The following PPP2R2B variants were observed in gnomAD, a reference collection of about 807,000 sequenced individuals.
PPP2R2B encodes the protein protein phosphatase 2 regulatory subunit Bbeta.
Under a neutral mutation model 46.0 loss-of-function variants are expected in PPP2R2B, and 5 were observed. The observed-to-expected ratio is 0.11, with a 90% CI of 0.06 to 0.23. PPP2R2B has a LOEUF of 0.23. PPP2R2B is among the 10% of genes least tolerant of loss of function. PPP2R2B has a pLI of 1.00. For synonymous variants in PPP2R2B, 215 were observed against 206.7 expected (o/e 1.04, Z -0.34); for missense variants, 367 against 575.0 (o/e 0.64, Z 3.70).
At chr5:146,881,206 C>A (rs908478608), upstream of PPP2R2B, among the ~76,000 whole-genome samples, 3 of 152,120 alleles carry the variant, frequency 2.0e-5, no homozygotes, top group Non-Finnish European at 2.9e-5. Flanking sequence ...TTCTTTGCCA[C>A]TTCCTCATGT....
intron 6 of PPP2R2B, among the ~76,000 whole-genome samples, chr5:146,639,062 T>A (rs1428536763): frequency 2.0e-5 from 3 of 152,156 alleles, no homozygotes; most frequent in Non-Finnish European, 4.4e-5. Context: ...TTTTCAGGGG[T>A]GGAAACGGAT....
chr5:146,918,986 G>C (rs1019224594), intron 1 of PPP2R2B, among the ~76,000 whole-genome samples: 2 of 152,182 alleles, frequency 1.3e-5, no homozygotes, highest in African/African-American at 2.4e-5. Context: ...CTAGCCTCTA[G>C]CTGAATGCCT....
intron 2 of PPP2R2B, among the ~76,000 whole-genome samples, chr5:146,858,892 A>G (rs1030370467): frequency 6.6e-5 from 10 of 152,200 alleles, no homozygotes; most frequent in Non-Finnish European, 1.2e-4. Flanking sequence ...GGAATGAGAC[A>G]CAACCCATGC....
At chr5:146,796,434 T>C (rs987431968) in intron 2 of PPP2R2B, among the ~76,000 whole-genome samples, 1 of 152,304 alleles carries the variant, frequency 6.6e-6, no homozygotes, top group Admixed American at 6.5e-5. Context: ...ATCTGACTGC[T>C]CTAGTAGCTA....
At chr5:146,719,907 T>C (rs780709003) in intron 2 of PPP2R2B, among the ~76,000 whole-genome samples, 10 of 152,116 alleles carry the variant, frequency 6.6e-5, no homozygotes, top group Admixed American at 4.6e-4. Flanking sequence ...CATATGGCCA[T>C]TCCTGACTTG....
At chr5:146,961,568 C>T (rs925496860) in intron 1 of PPP2R2B, among the ~76,000 whole-genome samples, 25 of 152,100 alleles carry the variant, frequency 1.6e-4, no homozygotes, top group African/African-American at 6.0e-4. Context: ...AACACCTTTC[C>T]ATATAACTAT....
chr5:146,590,392 T>G (rs1770503426), intron 9 of PPP2R2B, among the ~76,000 whole-genome samples, 166 bp from the exon 10 acceptor site: 1 of 148,684 alleles, frequency 6.7e-6, no homozygotes, highest in African/African-American at 2.6e-5. Context: ...TTTGTTTTTT[T>G]TTTGTGTTTT....
At position 146,600,496 on chromosome 5, in the gene PPP2R2B, A is replaced by G. The variant is rs757338439; in HGVS notation, c.791-36T>C. On this transcript the variant is annotated intron_variant, in intron 7 of 9. Coordinates refer to ENST00000394411, the MANE Select transcript of PPP2R2B (RefSeq NM_181675.4). ...AAAGCAAAACAAGACAAATTTAGCA[A>G]TCCTTATCAACTGACTCTAACATGT... is the stretch of plus-strand genomic sequence containing the variant. 13 of 1,604,142 alleles carry G rather than the reference A, an allele frequency of 8.1e-6. No homozygotes were observed. In the African/African-American group the frequency reaches 1.3e-4, roughly 17 times the overall value.
chr5:146,791,345 C>T (rs1024297272), intron 2 of PPP2R2B, among the ~76,000 whole-genome samples: 4 of 152,166 alleles, frequency 2.6e-5, no homozygotes, highest in African/African-American at 9.7e-5. Flanking sequence ...TCGATCCCCC[C>T]TTTTTCTATT....
chr5:146,936,498 A>G (rs1265235439), intron 1 of PPP2R2B, among the ~76,000 whole-genome samples: 1 of 147,116 alleles, frequency 6.8e-6, no homozygotes, highest in Admixed American at 6.9e-5. Flanking sequence ...CTAGACAGTT[A>G]TGAAGGATGG....
In PPP2R2B at chr5:147,050,588, G is replaced by C. The variant is rs193283356; in HGVS notation, c.79+5077C>G. On this transcript the variant is annotated intron_variant, in intron 1 of 8. Transcript: ENST00000336640. ...TGCATTTAACAGCTGTGTGAACTTA[G>C]ACTACTTAACTTGTCTGTGACTCGG... Among the ~76,000 whole-genome samples, 39 of 152,090 alleles carry C rather than the reference G, an allele frequency of 2.6e-4. No individual in the cohort carries two copies. The East Asian group carries it at 7.2e-3, about 28-fold the overall frequency.
intron 7 of PPP2R2B, among the ~76,000 whole-genome samples, chr5:146,603,611 T>G (rs1771987156): frequency 6.6e-6 from 1 of 152,214 alleles, no homozygotes; most frequent in Admixed American, 6.5e-5. Flanking sequence ...TCATGACATA[T>G]CTATGTATAT....
At chr5:146,711,876 AT>A (rs577550147) in intron 2 of PPP2R2B, among the ~76,000 whole-genome samples, 8 of 150,948 alleles carry the variant, frequency 5.3e-5, no homozygotes, top group South Asian at 2.1e-4. Flanking sequence ...AAGTCAAAGA[AT>A]TTTTTTTTTC....
chr5:146,997,445 A>G (rs1753974871), intron 1 of PPP2R2B, among the ~76,000 whole-genome samples: 1 of 152,192 alleles, frequency 6.6e-6, no homozygotes, highest in African/African-American at 2.4e-5. Context: ...CTGAGCAAGC[A>G]CAGCACCCAT....
At chr5:146,855,485 G>GTATACA (rs1174803078) in intron 2 of PPP2R2B, among the ~76,000 whole-genome samples, 7 of 152,056 alleles carry the variant, frequency 4.6e-5, no homozygotes, top group African/African-American at 1.7e-4. Context: ...CACAAACACA[G>GTATACA]TATACATACA....
chr5:147,010,464 A>G (rs1271889549), intron 1 of PPP2R2B, among the ~76,000 whole-genome samples: 1 of 152,130 alleles, frequency 6.6e-6, no homozygotes, highest in African/African-American at 2.4e-5. Context: ...CTTCAACTAG[A>G]TGGTCCCATG....
intron 1 of PPP2R2B, among the ~76,000 whole-genome samples, chr5:146,968,218 CT>C (rs1321965361): frequency 6.6e-6 from 1 of 152,136 alleles, no homozygotes; most frequent in Non-Finnish European, 1.5e-5. Flanking sequence ...AGTTTCCACC[CT>C]TTTTTGAACC....
chr5:146,973,652 G>C (rs1187930524), intron 1 of PPP2R2B, among the ~76,000 whole-genome samples: 1 of 152,198 alleles, frequency 6.6e-6, no homozygotes, highest in African/African-American at 2.4e-5. Flanking sequence ...ATTGCCACTT[G>C]ATTATATGAG....
Position 146,726,177 on chromosome 5 carries a change from T to A in PPP2R2B, c.71-25035A>T, listed in dbSNP as rs375778565. 5.5e-4 allele frequency among the ~76,000 whole-genome samples: 84 copies of A among 152,216 alleles called. 2 individuals are homozygous for A. In the East Asian group the frequency reaches 7.7e-3, roughly 14 times the overall value. ...AAAGCAGGCACCATCCTCTAAAGCC[T>A]CCTTCTCCACCACTGCATCCCCACC... On this transcript the variant is annotated intron_variant, in intron 2 of 9. Transcript: ENST00000394411.
Sources: gnomAD v4.1 joint callset for allele counts (sites outside exome capture counted in the v4.1 genomes callset) on GRCh38, gnomAD v4.1.1 for gene constraint, MANE v1.5 for transcripts, NCBI Gene and HGNC (gene_info 2026-07-23, HGNC 2026-07-21) for gene names.